Variants in RIC8B observed in about 807,000 individuals in gnomAD.
The protein encoded by RIC8B is RIC8 guanine nucleotide exchange factor B.
Under a neutral mutation model 57.5 loss-of-function variants are expected in RIC8B, and 16 were observed. The observed-to-expected ratio is 0.28, with a 90% CI of 0.19 to 0.42. The LOEUF is 0.42. Among genes scored for constraint, RIC8B ranks in the 10% least tolerant of loss-of-function variants. The probability of loss-of-function intolerance (pLI) is 1.00; values close to 1 mark genes in which losing one functional copy is unlikely to be tolerated. For synonymous variants in RIC8B, 216 were observed against 250.8 expected (o/e 0.86, Z 1.31); for missense variants, 481 against 677.0 (o/e 0.71, Z 3.21).
chr12:106,855,678 G>C lies in RIC8B; in HGVS notation c.1306+4084G>C, dbSNP rs568936327. On this transcript the variant is annotated intron_variant, in intron 7 of 9. Coordinates refer to ENST00000392837, the MANE Select transcript of RIC8B (RefSeq NM_001330145.2). ...CTCTTCTTTCTTTGCAGTCTGATTT[G>C]CTAGCTCCTGTCCTTGTCCACATTT... 2.6e-5 allele frequency among the ~76,000 whole-genome samples: 4 copies of C among 152,166 alleles called. No homozygotes were observed. In the East Asian group the frequency reaches 7.7e-4, roughly 29 times the overall value.
intron 4 of RIC8B, among the ~76,000 whole-genome samples, chr12:106,841,165 G>T (rs78102510): frequency 3.3e-5 from 5 of 152,256 alleles, no homozygotes; most frequent in African/African-American, 9.6e-5. Flanking sequence ...GAGATTTTGT[G>T]CATAACACCA....
rs201411394 is a variant in RIC8B at position 106,809,522 on chromosome 12, C to CAAA, written c.133-5153_133-5151dup. Among the ~76,000 whole-genome samples the CAAA allele has an allele frequency of 8.2e-4, 87 of 105,512 alleles. 1 individual carries two copies. The highest frequency in any genetic ancestry group is 3.5e-3 in the East Asian group (12 of 3,384). The allele number at this position is 105,512 out of a possible 152,430, so 69.2% of individuals were successfully genotyped here. A position where few individuals can be genotyped will look rare whatever the true frequency, so the allele number is the denominator to read the frequency against. On this transcript the variant is annotated intron_variant, in intron 2 of 9. Coordinates refer to ENST00000392837, the MANE Select transcript of RIC8B (RefSeq NM_001330145.2). ...TGGGAGACAGAGAAGACTCTTGTCTCAAAAAAAAAAAAAAAAAAAAAAAGA... is the reference window on the plus strand; with the variant it reads ...TGGGAGACAGAGAAGACTCTTGTCTCAAAAAAAAAAAAAAAAAAAAAAAAAAGA...
chr12:106,810,717 A>G (rs2136271284), intron 2 of RIC8B, among the ~76,000 whole-genome samples: 1 of 152,342 alleles, frequency 6.6e-6, no homozygotes, highest in South Asian at 2.1e-4. Context: ...GGAAAATTTG[A>G]TAAGAATAGT....
chr12:106,777,185 T>C (rs530480828), intron 1 of RIC8B, among the ~76,000 whole-genome samples: 1 of 152,296 alleles, frequency 6.6e-6, no homozygotes, highest in East Asian at 1.9e-4. Flanking sequence ...TATTTAATAC[T>C]GACTGTAGTA....
At chr12:106,864,445 C>G (rs148863271) in intron 8 of RIC8B, among the ~76,000 whole-genome samples, 8 of 152,012 alleles carry the variant, frequency 5.3e-5, no homozygotes, top group Admixed American at 3.9e-4. Flanking sequence ...TTTCTAAGAA[C>G]TAGACAAATA....
intron 3 of RIC8B, chr12:106,823,209 G>A (rs2045930204): frequency 3.7e-6 from 1 of 267,762 alleles, no homozygotes; most frequent in African/African-American, 2.2e-5. Flanking sequence ...GTAAACAAAT[G>A]TGAAATTACA....
intron 3 of RIC8B, among the ~76,000 whole-genome samples, chr12:106,821,744 CA>C (rs1295277218): frequency 2.0e-5 from 3 of 151,990 alleles, no homozygotes; most frequent in African/African-American, 7.2e-5. Flanking sequence ...AAAAGTCCTA[CA>C]AACCCATAAA....
chr12:106,832,822 G>A (rs2046413979), intron 4 of RIC8B, among the ~76,000 whole-genome samples: 1 of 152,074 alleles, frequency 6.6e-6, no homozygotes, highest in African/African-American at 2.4e-5. Flanking sequence ...ATTCTTTCCT[G>A]TTTTCTGCCA....
At chr12:106,877,793 T>C (rs576668013) in intron 9 of RIC8B, among the ~76,000 whole-genome samples, 1 of 152,294 alleles carries the variant, frequency 6.6e-6, no homozygotes, top group African/African-American at 2.4e-5. Flanking sequence ...ATAAACTTTC[T>C]TGAAACATTA....
intron 1 of RIC8B, among the ~76,000 whole-genome samples, chr12:106,777,290 G>T (rs535749769): frequency 6.6e-6 from 1 of 152,332 alleles, no homozygotes; most frequent in African/African-American, 2.4e-5. Flanking sequence ...GATTTTGAGA[G>T]CAGATGAATA....
In RIC8B at chr12:106,887,743, A is replaced by G. The variant is rs946042298; in HGVS notation, c.*1728A>G. 4.6e-5 allele frequency: 7 copies of G among 152,258 alleles called. No homozygotes were observed. Among genetic ancestry groups the G allele is most frequent in the African/African-American group, 1.7e-4 (7 of 41,470 alleles). The allele number at this position is 152,258 out of a possible 1,614,324, so 9.4% of individuals were successfully genotyped here. A position where few individuals can be genotyped will look rare whatever the true frequency, so the allele number is the denominator to read the frequency against. On this transcript the variant is annotated 3_prime_UTR_variant, in exon 10 of 10. Coordinates refer to ENST00000392837, the MANE Select transcript of RIC8B (RefSeq NM_001330145.2). ...AGTGAGATGAGAAGAATAAAACTTC[A>G]AGACATAGCAAATCTGGGACTGTCT...
intron 9 of RIC8B, among the ~76,000 whole-genome samples, chr12:106,881,221 G>T (rs1001506026): frequency 2.0e-5 from 3 of 151,836 alleles, no homozygotes; most frequent in African/African-American, 7.3e-5. Flanking sequence ...AGTTGGGGGT[G>T]GGGGGTATGC....
intron 9 of RIC8B, among the ~76,000 whole-genome samples, chr12:106,883,709 T>TA (rs3837508): frequency 0.25 from 37,433 of 151,458 alleles, 5,007 homozygotes; most frequent in East Asian, 0.32. Flanking sequence ...CACACACTAT[T>TA]ATGATGACCC....
chr12:106,797,288 A>G (rs1290781188), intron 2 of RIC8B, among the ~76,000 whole-genome samples: 4 of 152,256 alleles, frequency 2.6e-5, no homozygotes, highest in African/African-American at 7.2e-5. Context: ...AAAATGTGTT[A>G]TATCTATACA....
chr12:106,863,957 T>C (rs991528106), intron 8 of RIC8B, among the ~76,000 whole-genome samples: 1 of 152,162 alleles, frequency 6.6e-6, no homozygotes, highest in African/African-American at 2.4e-5. Flanking sequence ...TATTCCTGTA[T>C]GTATATATAT....
chr12:106,845,478 T>A (rs1282538350), intron 6 of RIC8B, among the ~76,000 whole-genome samples: 1 of 152,230 alleles, frequency 6.6e-6, no homozygotes, highest in Non-Finnish European at 1.5e-5. Flanking sequence ...ATCCCTTGTA[T>A]TCCCATCTGT....
chr12:106,864,777 ATC>A lies in RIC8B; in HGVS notation c.1451+4371_1451+4372del, dbSNP rs1409679308. 5.9e-5 allele frequency among the ~76,000 whole-genome samples: 9 copies of A among 152,246 alleles called. No homozygotes were observed. In the East Asian group the frequency reaches 1.7e-3, roughly 29 times the overall value. On this transcript the variant is annotated intron_variant, in intron 8 of 9. Transcript: ENST00000392837. Reference sequence around the variant, plus strand: ...ACACTGTTATGCAACCATCACCACTATCTCTCTTCAGAACTTTTTCCTTGTCC... The same window carrying A: ...ACACTGTTATGCAACCATCACCACTATCTCTTCAGAACTTTTTCCTTGTCC...
Position 106,814,874 on chromosome 12 carries a change from C to G in RIC8B, c.311C>G (p.Ser104Cys). The change falls in exon 3 of 10, where the codon TCT (serine) becomes TGT (cysteine). Residue 104 changes from serine (S) to cysteine (C), a missense_variant. Around this residue, in one of 3 missense-constraint regions of RIC8B, gnomAD observed 421 missense variants for 560.9 expected, o/e 0.75. Coordinates refer to ENST00000392837, the MANE Select transcript of RIC8B (RefSeq NM_001330145.2). ...GCCAAGCTAAATGAGTTAGATGATT[C>G]TTTGGAGAAAGTATCAGAGTTCCCA... ...RLAKLNELDD[S>C]LEKVSEFPVI... The G allele has an allele frequency of 6.2e-7, 1 of 1,614,144 alleles. No individual in the cohort carries two copies. Among genetic ancestry groups the G allele is most frequent in the Non-Finnish European group, 8.5e-7 (1 of 1,179,998 alleles).
Position 106,777,361 on chromosome 12 carries a change from G to T in RIC8B, c.84+2532G>T, listed in dbSNP as rs565897380. Among the ~76,000 whole-genome samples, 308 of 152,204 alleles carry T rather than the reference G, an allele frequency of 2.0e-3. 1 individual carries two copies. Among genetic ancestry groups the T allele is most frequent in the Non-Finnish European group, 8.5e-4 (58 of 68,000 alleles). ...AAGAATGGGGAGGTGGAATTAAATT[G>T]CCCAGCTCTATGGTATATGGAATTT... On this transcript the variant is annotated intron_variant, in intron 1 of 9. Coordinates refer to ENST00000392837, the MANE Select transcript of RIC8B (RefSeq NM_001330145.2).
Sources: allele counts gnomAD v4.1 joint callset (sites outside exome capture counted in the v4.1 genomes callset), GRCh38; gene constraint gnomAD v4.1.1; regional missense constraint gnomAD v4.1.1; transcripts MANE v1.5; gene names NCBI Gene and HGNC (gene_info 2026-07-23, HGNC 2026-07-21).